The following RALGAPA2 variants were observed in gnomAD, a reference collection of about 807,000 sequenced individuals.
RALGAPA2 encodes ral GTPase-activating protein subunit alpha-2.
In RALGAPA2, 139 loss-of-function variants were observed where a neutral mutation model predicts 230.4. The ratio of observed to expected loss-of-function variants is 0.60; its 90% confidence interval spans 0.53 to 0.69. RALGAPA2 has a LOEUF of 0.69. RALGAPA2 is among the 30% of genes least tolerant of loss of function. The pLI is 0.00. For missense variants in RALGAPA2, 2,163 were observed against 2,276.0 expected, an observed-to-expected ratio of 0.95 and a Z score of 1.01; for synonymous variants, 847 against 837.8, an observed-to-expected ratio of 1.01 and a Z score of -0.19.
chr20:20,401,817 T>C (rs555818848), intron 38 of RALGAPA2, among the ~76,000 whole-genome samples: 18 of 152,362 alleles, frequency 1.2e-4, no homozygotes, highest in African/African-American at 4.3e-4. Flanking sequence ...AGATACTTCC[T>C]ATATGTGAAT....
At chr20:20,654,241 T>C (rs2067508297) in intron 3 of RALGAPA2, among the ~76,000 whole-genome samples, 2 of 152,226 alleles carry the variant, frequency 1.3e-5, no homozygotes, top group African/African-American at 4.8e-5. Flanking sequence ...CAGGCTGGTG[T>C]GCACTGGCGT....
intron 27 of RALGAPA2, among the ~76,000 whole-genome samples, chr20:20,530,470 G>C (rs190446589): frequency 1.2e-3 from 184 of 152,324 alleles, no homozygotes; most frequent in South Asian, 9.5e-3. Flanking sequence ...GGTGGTCAGA[G>C]GGTGTACTTG....
At chr20:20,440,102 A>C (rs1443961405) in intron 37 of RALGAPA2, among the ~76,000 whole-genome samples, 2 of 152,246 alleles carry the variant, frequency 1.3e-5, no homozygotes, top group Non-Finnish European at 2.9e-5. Context: ...AGCACTTAAA[A>C]AAAATTACTG....
At chr20:20,558,318 T>G (rs2064152139) in intron 23 of RALGAPA2, among the ~76,000 whole-genome samples, 2 of 152,160 alleles carry the variant, frequency 1.3e-5, no homozygotes, top group Admixed American at 1.3e-4. Context: ...CACAGCACTA[T>G]TTTGAGGACT....
chr20:20,534,884 C>T (rs2063460379), intron 26 of RALGAPA2, among the ~76,000 whole-genome samples: 1 of 152,114 alleles, frequency 6.6e-6, no homozygotes, highest in African/African-American at 2.4e-5. Flanking sequence ...TCACATAAAC[C>T]AAGTTGAGGT....
intron 36 of RALGAPA2, among the ~76,000 whole-genome samples, chr20:20,473,962 TC>T (rs1328967519): frequency 6.6e-6 from 1 of 152,146 alleles, no homozygotes; most frequent in Non-Finnish European, 1.5e-5. Context: ...AGTACAAAAA[TC>T]CCTGAATTTA....
At chr20:20,521,910 C>A (rs1316520378) in intron 30 of RALGAPA2, among the ~76,000 whole-genome samples, 1 of 152,152 alleles carries the variant, frequency 6.6e-6, no homozygotes, top group Non-Finnish European at 1.5e-5. Context: ...TGGCAAGAGG[C>A]CTTGTGGTCA....
intron 36 of RALGAPA2, among the ~76,000 whole-genome samples, chr20:20,478,594 C>T (rs564713819): frequency 2.0e-5 from 3 of 151,680 alleles, no homozygotes; most frequent in Admixed American, 2.0e-4. Flanking sequence ...CCAAATACCG[C>T]ATGTTCTCAC....
intron 24 of RALGAPA2, among the ~76,000 whole-genome samples, chr20:20,546,435 C>G (rs1270676858): frequency 6.6e-6 from 1 of 152,204 alleles, no homozygotes; most frequent in East Asian, 1.9e-4. Flanking sequence ...TTCTAAGAGA[C>G]AAGTCCTGCT....
Position 20,561,598 on chromosome 20 carries a change from T to C in RALGAPA2, c.3156+9860A>G, listed in dbSNP as rs74756712. 4.1e-3 allele frequency among the ~76,000 whole-genome samples: 622 copies of C among 152,314 alleles called. 2 individuals carry two copies. The highest frequency in any genetic ancestry group is 0.01 in the Middle Eastern group (3 of 294). On this transcript the variant is annotated intron_variant, in intron 23 of 39. Transcript: ENST00000202677. Reference sequence around the variant, plus strand: ...TTTAGTAAGCTGAACCATTATGAAATTGTACCCCCTTTTTGAAAACTCATT... The same window carrying C: ...TTTAGTAAGCTGAACCATTATGAAACTGTACCCCCTTTTTGAAAACTCATT...
chr20:20,633,051 CCTTT>C (rs149659672), intron 9 of RALGAPA2, among the ~76,000 whole-genome samples: 115 of 146,718 alleles, frequency 7.8e-4, no homozygotes, highest in Middle Eastern at 3.4e-3. Context: ...TTCTTTCCTT[CCTTT>C]CTTTCTTTTC....
At chr20:20,546,963 A>G (rs961681140) in intron 23 of RALGAPA2, 131 bp from the exon 24 acceptor site, 1 of 986,272 alleles carries the variant, frequency 1.0e-6, no homozygotes, top group Non-Finnish European at 1.4e-6. Flanking sequence ...ATTTTCAGTG[A>G]AAGGGATATT....
At chr20:20,397,634 G>A (rs374629504) in intron 38 of RALGAPA2, among the ~76,000 whole-genome samples, 52 of 152,192 alleles carry the variant, frequency 3.4e-4, no homozygotes, top group African/African-American at 1.1e-3. Context: ...AGTCACAGTT[G>A]TAAACGTGGA....
rs1777582255 is a variant in RALGAPA2, at chr20:20,437,116, T to A, written c.5496-24968A>T. 6.6e-6 allele frequency among the ~76,000 whole-genome samples: 1 copy of A among 152,182 alleles called. No individual in the cohort carries two copies. Among genetic ancestry groups the A allele is most frequent in the Non-Finnish European group, 1.5e-5 (1 of 68,036 alleles). On this transcript the variant is annotated intron_variant, in intron 37 of 39. Transcript: ENST00000202677. The surrounding 1 kb of genome is among the most constrained non-coding windows in gnomAD (Gnocchi z 4.1). Reference sequence around the variant, plus strand: ...TTCACATGGGAATACATAATATGTATAATTTCATAAATGTTAGCTCAATAA... The same window carrying A: ...TTCACATGGGAATACATAATATGTAAAATTTCATAAATGTTAGCTCAATAA...
At chr20:20,520,241 TTGTG>T (rs34426196) in intron 31 of RALGAPA2, among the ~76,000 whole-genome samples, 3 of 151,198 alleles carry the variant, frequency 2.0e-5, no homozygotes, top group Non-Finnish European at 4.4e-5. Context: ...ATGCATGCAT[TTGTG>T]TGTGTGTGTG....
At chr20:20,470,286 T>A (rs925380047) in intron 37 of RALGAPA2, among the ~76,000 whole-genome samples, 1 of 152,210 alleles carries the variant, frequency 6.6e-6, no homozygotes, top group Non-Finnish European at 1.5e-5. Context: ...AAAATTAATA[T>A]GTAACTGCCC....
intron 23 of RALGAPA2, among the ~76,000 whole-genome samples, chr20:20,565,306 A>G (rs953378612): frequency 2.0e-5 from 3 of 152,216 alleles, no homozygotes; most frequent in Non-Finnish European, 4.4e-5. Flanking sequence ...CATAGTAACA[A>G]GTCTAAATTT....
chr20:20,632,878 T>A (rs1167190956), intron 9 of RALGAPA2, among the ~76,000 whole-genome samples: 9 of 152,190 alleles, frequency 5.9e-5, no homozygotes, highest in Non-Finnish European at 8.8e-5. Context: ...ATTAACTCTT[T>A]TAACAGTCAC....
At chr20:20,444,797 T>C (rs1341250787) in intron 37 of RALGAPA2, among the ~76,000 whole-genome samples, 1 of 152,358 alleles carries the variant, frequency 6.6e-6, no homozygotes, top group East Asian at 1.9e-4. Context: ...GACTTCCTTT[T>C]CCATAAGTTT....
Sources: gnomAD v4.1 joint callset for allele counts (sites outside exome capture counted in the v4.1 genomes callset) on GRCh38, gnomAD v4.1.1 for gene constraint, Gnocchi (gnomAD v3.1) non-coding constraint, MANE v1.5 for transcripts, NCBI Gene and HGNC (gene_info 2026-07-23, HGNC 2026-07-21) for gene names.